Variants in FRAS1 observed in about 807,000 individuals in gnomAD.
FRAS1 encodes Fraser extracellular matrix complex subunit 1.
A neutral mutation model predicts 435.2 loss-of-function variants in FRAS1; 290 were observed. The ratio of observed to expected loss-of-function variants is 0.67; its 90% CI spans 0.61 to 0.73. FRAS1 has a LOEUF of 0.73. Among genes scored for constraint, FRAS1 ranks in the 30% least tolerant of loss-of-function variants. The pLI is 0.00. For synonymous variants in FRAS1, 1,800 were observed against 1,851.0 expected (o/e 0.97, Z 0.71); for missense variants, 4,860 against 5,001.5 (o/e 0.97, Z 0.85).
chr4:78,409,834 C>T (rs1323388778), intron 31 of FRAS1, among the ~76,000 whole-genome samples: 1 of 152,212 alleles, frequency 6.6e-6, no homozygotes, highest in Non-Finnish European at 1.5e-5. Flanking sequence ...TCACCCAGCT[C>T]ACCTTGTTAA....
chr4:78,363,433 TC>T, intron 20 of FRAS1, 79 bp from the exon 21 acceptor site: 1 of 1,383,156 alleles, frequency 7.2e-7, no homozygotes, highest in Non-Finnish European at 9.8e-7. Context: ...AATTGAAATC[TC>T]TTCTGCCCTT....
At chr4:78,409,056 C>T (rs9991098) in intron 31 of FRAS1, among the ~76,000 whole-genome samples, 3,499 of 142,134 alleles carry the variant, frequency 0.025, 72 homozygotes, top group Middle Eastern at 0.053. Flanking sequence ...GAGGTGGAGG[C>T]TGCACTGAGC....
At chr4:78,369,018 G>C (rs1731390066) in intron 22 of FRAS1, among the ~76,000 whole-genome samples, 2 of 152,192 alleles carry the variant, frequency 1.3e-5, no homozygotes, top group Admixed American at 1.3e-4. Context: ...GGATTGCAAG[G>C]GGGTCAGAGC....
intron 2 of FRAS1, among the ~76,000 whole-genome samples, chr4:78,149,773 A>C (rs962024670): frequency 2.0e-5 from 3 of 152,104 alleles, no homozygotes; most frequent in African/African-American, 7.2e-5. Context: ...TCAATCTCAC[A>C]CTTCAGCTGA....
intron 2 of FRAS1, among the ~76,000 whole-genome samples, chr4:78,227,316 C>T (rs1724316149): frequency 6.6e-6 from 1 of 152,154 alleles, no homozygotes; most frequent in Admixed American, 6.5e-5. Context: ...ATGTCTCACT[C>T]ATTATATGAC....
intron 2 of FRAS1, among the ~76,000 whole-genome samples, chr4:78,133,962 T>G (rs994867115): frequency 5.6e-5 from 6 of 106,412 alleles, no homozygotes; most frequent in African/African-American, 1.3e-4. Context: ...GGTTTTTTTT[T>G]TTTGTTTTTT....
chr4:78,474,507 G>A (rs949394599), intron 53 of FRAS1, among the ~76,000 whole-genome samples: 1 of 152,090 alleles, frequency 6.6e-6, no homozygotes, highest in Non-Finnish European at 1.5e-5. Flanking sequence ...AGAATTAGAG[G>A]AAAATTAGAA....
At chr4:78,399,739 C>A (rs1188317002) in intron 29 of FRAS1, among the ~76,000 whole-genome samples, 1 of 152,118 alleles carries the variant, frequency 6.6e-6, no homozygotes, top group Non-Finnish European at 1.5e-5. Flanking sequence ...ATGAATTTAC[C>A]ATTGGATTTA....
At chr4:78,306,161 T>A (rs345536) in intron 14 of FRAS1, among the ~76,000 whole-genome samples, 11,616 of 152,136 alleles carry the variant, frequency 0.076, 1,438 homozygotes, top group African/African-American at 0.27. Flanking sequence ...GGTTGAAAAT[T>A]CTTTTCTTTA....
At chr4:78,109,404 A>C (rs576759049) in intron 2 of FRAS1, among the ~76,000 whole-genome samples, 5,638 of 149,560 alleles carry the variant, frequency 0.038, 179 homozygotes, top group Middle Eastern at 0.072. Flanking sequence ...ATCCACCATG[A>C]TCAAGTGGGC....
intron 2 of FRAS1, among the ~76,000 whole-genome samples, chr4:78,111,846 A>G (rs1358682250): frequency 6.6e-6 from 1 of 152,100 alleles, no homozygotes; most frequent in Non-Finnish European, 1.5e-5. Context: ...GAAAAAACGT[A>G]GAAAATAAAA....
intron 2 of FRAS1, among the ~76,000 whole-genome samples, chr4:78,222,763 G>A (rs892137935): frequency 6.6e-6 from 1 of 152,070 alleles, no homozygotes. Flanking sequence ...GTTCTCAAAG[G>A]CACAGCTCTG....
intron 2 of FRAS1, among the ~76,000 whole-genome samples, chr4:78,146,414 C>A (rs944009586): frequency 6.6e-6 from 1 of 152,108 alleles, no homozygotes; most frequent in African/African-American, 2.4e-5. Flanking sequence ...ATACCCCATG[C>A]ATCTTTTTTG....
intron 60 of FRAS1, 83 bp downstream of exon 60, chr4:78,497,044 A>C: frequency 8.6e-7 from 1 of 1,157,696 alleles, no homozygotes; most frequent in Non-Finnish European, 1.2e-6. Context: ...GTTTTGAAAA[A>C]TAAAAGTGCT....
At chr4:78,100,725 G>C (rs1414821993) in intron 2 of FRAS1, among the ~76,000 whole-genome samples, 2 of 152,106 alleles carry the variant, frequency 1.3e-5, no homozygotes, top group Non-Finnish European at 2.9e-5. Flanking sequence ...GGCAGATCCT[G>C]GCTCTTGGTG....
At chr4:78,215,198 A>G (rs771493441) in intron 2 of FRAS1, among the ~76,000 whole-genome samples, 2 of 151,684 alleles carry the variant, frequency 1.3e-5, no homozygotes, top group Non-Finnish European at 2.9e-5. Context: ...TATTATTATT[A>G]TTATTATTAT....
intron 63 of FRAS1, 141 bp from the exon 64 acceptor site, chr4:78,511,132 AT>A (rs1560419518): frequency 4.2e-6 from 3 of 706,596 alleles, no homozygotes; most frequent in East Asian, 5.5e-5. Context: ...AAAGTCAATA[AT>A]TACGTGATGA....
In FRAS1 at chr4:78,464,485, T is replaced by C. The variant is rs769017938; in HGVS notation, c.6931T>C (p.Ser2311Pro). Residue 2311 changes from serine to proline, a missense_variant, in exon 49 of 74, where the codon TCG becomes CCG. Transcript: ENST00000512123. Reference sequence around the variant, plus strand: ...TATCACTCTTCACCCTGTCGATGATTCGCTGCCCGTCGTACAGAACTTAGG... The same window carrying C: ...TATCACTCTTCACCCTGTCGATGATCCGCTGCCCGTCGTACAGAACTTAGG... ...FHITLHPVDD[S>P]LPVVQNLGMR... is the part of the protein sequence containing the mutation. 3 of 1,614,006 alleles carry C rather than the reference T, an allele frequency of 1.9e-6. No individual in the cohort carries two copies. Among genetic ancestry groups the C allele is most frequent in the East Asian group, 4.5e-5 (2 of 44,878 alleles).
intron 26 of FRAS1, among the ~76,000 whole-genome samples, chr4:78,378,838 A>T (rs1290437891): frequency 1.3e-5 from 2 of 151,956 alleles, no homozygotes; most frequent in Admixed American, 6.6e-5. Flanking sequence ...TCACTTTCTC[A>T]TGGGTGTCCT....
Sources: allele counts gnomAD v4.1 joint callset (sites outside exome capture counted in the v4.1 genomes callset), GRCh38; gene constraint gnomAD v4.1.1; transcripts MANE v1.5; gene names NCBI Gene and HGNC (gene_info 2026-07-23, HGNC 2026-07-21).